SYNPR: variants seen among roughly 807,000 people sequenced by gnomAD.
The protein encoded by SYNPR is synaptoporin.
Under a neutral mutation model 32.9 loss-of-function variants are expected in SYNPR, and 23 were observed. The ratio of observed to expected loss-of-function variants is 0.70; its 90% CI spans 0.50 to 0.99. The LOEUF is 0.99. Ranked by LOEUF, SYNPR falls within the 50% of genes least tolerant of loss-of-function variation. The pLI, the probability that SYNPR is intolerant of heterozygous loss-of-function variation, is 0.00. For missense variants in SYNPR, 318 were observed against 349.3 expected, an observed-to-expected ratio of 0.91 and a Z score of 0.71; for synonymous variants, 146 against 135.9, an observed-to-expected ratio of 1.07 and a Z score of -0.52.
chr3:63,475,590 G>A (rs1033830545), intron 2 of SYNPR, among the ~76,000 whole-genome samples: 1 of 152,164 alleles, frequency 6.6e-6, no homozygotes, highest in Non-Finnish European at 1.5e-5. Context: ...AGAATTTGAA[G>A]AGCATAGCGC....
At chr3:63,571,834 G>A (rs1202751607) in intron 4 of SYNPR, among the ~76,000 whole-genome samples, 1 of 152,060 alleles carries the variant, frequency 6.6e-6, no homozygotes, top group Non-Finnish European at 1.5e-5. Context: ...AGGTGACCCC[G>A]CCTAGATCTA....
At chr3:63,490,080 T>G (rs1001096118) in intron 3 of SYNPR, among the ~76,000 whole-genome samples, 2 of 152,106 alleles carry the variant, frequency 1.3e-5, no homozygotes, top group African/African-American at 4.8e-5. Flanking sequence ...ATCAGCTGGT[T>G]GGGGGAAAAC....
intron 2 of SYNPR, among the ~76,000 whole-genome samples, chr3:63,370,254 T>C (rs938860026): frequency 4.6e-5 from 7 of 152,184 alleles, no homozygotes; most frequent in Non-Finnish European, 8.8e-5. Context: ...TGGAAGATGT[T>C]TTTTTCCAAA....
At chr3:63,489,722 T>A (rs896110421) in intron 3 of SYNPR, among the ~76,000 whole-genome samples, 6 of 152,178 alleles carry the variant, frequency 3.9e-5, no homozygotes, top group Non-Finnish European at 8.8e-5. Context: ...TACATATATA[T>A]GCATATATGC....
intron 2 of SYNPR, among the ~76,000 whole-genome samples, chr3:63,297,404 C>T (rs540943338): frequency 3.2e-4 from 48 of 152,160 alleles, no homozygotes; most frequent in South Asian, 2.5e-3. Flanking sequence ...AAATATAAAA[C>T]GAATGACCTT....
intron 3 of SYNPR, among the ~76,000 whole-genome samples, chr3:63,542,025 T>C (rs1046711352): frequency 3.3e-5 from 5 of 152,112 alleles, no homozygotes; most frequent in African/African-American, 9.7e-5. Context: ...ATATGAGCCA[T>C]TGTTTTATCT....
At chr3:63,317,323 C>T (rs1031020142) in intron 2 of SYNPR, among the ~76,000 whole-genome samples, 13 of 151,790 alleles carry the variant, frequency 8.6e-5, no homozygotes, top group Admixed American at 6.6e-4. Context: ...CTAGTGCTGT[C>T]GGTGGAGTAT....
chr3:63,313,456 A>T (rs2086991101), intron 2 of SYNPR, among the ~76,000 whole-genome samples: 1 of 151,462 alleles, frequency 6.6e-6, no homozygotes, highest in Non-Finnish European at 1.5e-5. Flanking sequence ...AAGTGAGAAC[A>T]TTCAATGTGT....
chr3:63,271,598 A>C lies in SYNPR; in HGVS notation n.287+4149A>C, dbSNP rs886887380. 2.6e-5 allele frequency among the ~76,000 whole-genome samples: 4 copies of C among 152,264 alleles called. No homozygotes were observed. The South Asian group carries it at 8.3e-4, about 32-fold the overall frequency. On this transcript the variant is annotated intron_variant and non_coding_transcript_variant, in intron 3 of 4. Transcript: ENST00000478456. The stretch of plus-strand genomic sequence containing the variant: ...TCCATTGATCTTTCCTATCTTCATC[A>C]TCTATATGTTTTACATATATAAATA...
intron 3 of SYNPR, among the ~76,000 whole-genome samples, chr3:63,516,333 T>C (rs561634220): frequency 1.3e-5 from 2 of 152,246 alleles, no homozygotes; most frequent in South Asian, 4.1e-4. Flanking sequence ...ATGCCAAAGT[T>C]GGATTCTTAG....
intron 1 of SYNPR, among the ~76,000 whole-genome samples, chr3:63,246,285 C>T (rs1289604353): frequency 6.6e-6 from 1 of 152,082 alleles, no homozygotes; most frequent in Non-Finnish European, 1.5e-5. Context: ...CTGGAGTCCC[C>T]CAGATACTCC....
intron 4 of SYNPR, among the ~76,000 whole-genome samples, chr3:63,595,735 AT>A (rs1699927152): frequency 3.3e-5 from 1 of 30,186 alleles, no homozygotes; most frequent in African/African-American, 2.9e-4. Context: ...ATATATATAT[AT>A]ATATATATAT....
chr3:63,336,390 TTGTAG>T (rs2087293634), intron 2 of SYNPR, among the ~76,000 whole-genome samples: 1 of 151,786 alleles, frequency 6.6e-6, no homozygotes, highest in South Asian at 2.1e-4. Context: ...ATGATGAACT[TTGTAG>T]TTACAAACGT....
intron 2 of SYNPR, among the ~76,000 whole-genome samples, chr3:63,257,127 C>A (rs1467543555): frequency 6.6e-6 from 1 of 152,168 alleles, no homozygotes; most frequent in Non-Finnish European, 1.5e-5. Flanking sequence ...GAGAATGGAA[C>A]CAAGTTAAAA....
At chr3:63,581,583 C>A (rs546547475) in intron 4 of SYNPR, among the ~76,000 whole-genome samples, 44 of 152,148 alleles carry the variant, frequency 2.9e-4, no homozygotes, top group Non-Finnish European at 4.7e-4. Context: ...CACGAGTATG[C>A]GTCCATCTCA....
At chr3:63,304,189 C>A (rs1575591935) in intron 2 of SYNPR, among the ~76,000 whole-genome samples, 1 of 152,070 alleles carries the variant, frequency 6.6e-6, no homozygotes, top group East Asian at 1.9e-4. Context: ...TTGTAAATGA[C>A]TGCTAGAAGA....
intron 2 of SYNPR, among the ~76,000 whole-genome samples, chr3:63,455,456 G>A (rs989985704): frequency 6.6e-6 from 1 of 152,044 alleles, no homozygotes; most frequent in Non-Finnish European, 1.5e-5. Context: ...TCATGCCTTT[G>A]CTTCTTTCAC....
chr3:63,349,066 C>T (rs1406956011), intron 2 of SYNPR, among the ~76,000 whole-genome samples: 1 of 151,844 alleles, frequency 6.6e-6, no homozygotes, highest in Non-Finnish European at 1.5e-5. Context: ...TGCATTAAAT[C>T]TATAGATTGC....
chr3:63,320,776 C>G (rs2087103546), intron 2 of SYNPR, among the ~76,000 whole-genome samples: 1 of 152,006 alleles, frequency 6.6e-6, no homozygotes, highest in Non-Finnish European at 1.5e-5. Flanking sequence ...GGAAACGGCA[C>G]CACTTTGAGG....
Sources: gnomAD v4.1 joint callset for allele counts (sites outside exome capture counted in the v4.1 genomes callset) on GRCh38, gnomAD v4.1.1 for gene constraint, MANE v1.5 for transcripts, NCBI Gene and HGNC (gene_info 2026-07-23, HGNC 2026-07-21) for gene names.